The following PRKCA variants were observed in gnomAD, a reference collection of about 807,000 sequenced individuals.
PRKCA encodes protein kinase C alpha type.
In PRKCA, 27 loss-of-function variants were observed where a neutral mutation model predicts 87.0. The ratio of observed to expected loss-of-function variants is 0.31; its 90% CI spans 0.23 to 0.43. The LOEUF is 0.43. Among genes scored for constraint, PRKCA ranks in the 20% least tolerant of loss-of-function variants. The probability of loss-of-function intolerance (pLI) is 1.00; values close to 1 mark genes in which losing one functional copy is unlikely to be tolerated. For missense variants in PRKCA, 518 were observed against 852.3 expected (o/e 0.61, Z 4.88); for synonymous variants, 329 against 311.1 (o/e 1.06, Z -0.61).
At chr17:66,777,153 G>T (rs1235387415) in intron 14 of PRKCA, 1 of 922,264 alleles carries the variant, frequency 1.1e-6, no homozygotes, top group Non-Finnish European at 1.3e-6. Flanking sequence ...GTGGGTAGGG[G>T]GAGCCCTCTC....
intron 7 of PRKCA, 90 bp downstream of exon 7, chr17:66,688,526 G>A: frequency 6.7e-7 from 1 of 1,490,308 alleles, no homozygotes; most frequent in Non-Finnish European, 9.2e-7. Context: ...GTTGAGGCTG[G>A]ACATGGTGCC....
At chr17:66,613,699 T>C (rs74698042) in intron 3 of PRKCA, among the ~76,000 whole-genome samples, 3,055 of 152,018 alleles carry the variant, frequency 0.02, 49 homozygotes, top group Non-Finnish European at 0.032. Context: ...CTGTGTATCT[T>C]TGTGTGTGTG....
Position 66,749,087 on chromosome 17 carries a change from C to T in PRKCA, c.1524+6327C>T, listed in dbSNP as rs149275465. Among the ~76,000 whole-genome samples, 61 of 148,880 alleles carry T rather than the reference C, an allele frequency of 4.1e-4. No homozygotes were observed. In the East Asian group the frequency reaches 0.011, roughly 26 times the overall value. ...CTTCAGAGGGTGACACCAGGACAGG[C>T]GGGTATTAGGTATCTTGGCTCTGAA... On this transcript the variant is annotated intron_variant, in intron 13 of 16. Coordinates refer to ENST00000413366, the MANE Select transcript of PRKCA (RefSeq NM_002737.3).
intron 8 of PRKCA, among the ~76,000 whole-genome samples, chr17:66,716,470 A>C (rs374177939): frequency 1.6e-4 from 24 of 152,266 alleles, no homozygotes; most frequent in African/African-American, 5.8e-4. Context: ...GGAGAAAAAC[A>C]TTGTTGCAGA....
intron 13 of PRKCA, among the ~76,000 whole-genome samples, chr17:66,758,408 A>G (rs761189218): frequency 1.3e-5 from 2 of 152,188 alleles, no homozygotes; most frequent in African/African-American, 2.4e-5. Flanking sequence ...TGAGCACTTC[A>G]TCCTGAAGCA....
intron 2 of PRKCA, among the ~76,000 whole-genome samples, chr17:66,384,873 G>A (rs533490765): frequency 6.6e-5 from 10 of 151,994 alleles, no homozygotes; most frequent in South Asian, 2.1e-4. Context: ...CTCGTGATCC[G>A]CCCCCCTCAG....
intron 2 of PRKCA, among the ~76,000 whole-genome samples, chr17:66,361,128 G>A (rs2143478873): frequency 6.6e-6 from 1 of 152,086 alleles, no homozygotes; most frequent in African/African-American, 2.4e-5. Context: ...CAGTAGATAG[G>A]AAGGATGTTT....
intron 10 of PRKCA, 119 bp from the exon 11 acceptor site, chr17:66,738,645 A>T (rs1201478074): frequency 9.0e-6 from 7 of 778,354 alleles, no homozygotes. Flanking sequence ...TAAACTGAGC[A>T]CATCTGCCCA....
intron 2 of PRKCA, among the ~76,000 whole-genome samples, chr17:66,423,793 A>G (rs1912627060): frequency 6.6e-6 from 1 of 152,130 alleles, no homozygotes; most frequent in Non-Finnish European, 1.5e-5. Context: ...TTAGTCTGGG[A>G]GCGCTTCCCT....
At chr17:66,450,841 C>T (rs1016158746) in intron 2 of PRKCA, among the ~76,000 whole-genome samples, 2 of 152,106 alleles carry the variant, frequency 1.3e-5, no homozygotes, top group Non-Finnish European at 2.9e-5. Flanking sequence ...TTTTTAAAAC[C>T]GCTAACTGAT....
chr17:66,645,278 G>A (rs1015098178), intron 4 of PRKCA, 105 bp from the exon 5 acceptor site: 3 of 1,490,022 alleles, frequency 2.0e-6, no homozygotes, highest in South Asian at 1.2e-5. Context: ...GCAAAGTATC[G>A]AGTTGGGGGT....
At chr17:66,420,725 G>A (rs1912442968) in intron 2 of PRKCA, among the ~76,000 whole-genome samples, 2 of 152,280 alleles carry the variant, frequency 1.3e-5, no homozygotes, top group South Asian at 2.1e-4. Flanking sequence ...GGAGCATGGA[G>A]CATTTGTAGT....
chr17:66,671,693 G>C (rs1468798436), intron 5 of PRKCA, among the ~76,000 whole-genome samples: 1 of 152,206 alleles, frequency 6.6e-6, no homozygotes, highest in African/African-American at 2.4e-5. Context: ...AAAGAAAGCA[G>C]TGGAAGTAGA....
intron 2 of PRKCA, among the ~76,000 whole-genome samples, chr17:66,334,370 G>T (rs1001070630): frequency 6.6e-6 from 1 of 152,148 alleles, no homozygotes; most frequent in Admixed American, 6.5e-5. Flanking sequence ...TTTTAAGTGT[G>T]TGTGTGCTTA....
At chr17:66,459,782 A>AGT (rs1914762391) in intron 2 of PRKCA, among the ~76,000 whole-genome samples, 1 of 152,158 alleles carries the variant, frequency 6.6e-6, no homozygotes, top group African/African-American at 2.4e-5. Context: ...TTTTTCGTTC[A>AGT]GTGCGTAAGT....
intron 2 of PRKCA, among the ~76,000 whole-genome samples, chr17:66,436,089 G>T (rs1266319832): frequency 6.6e-6 from 1 of 152,146 alleles, no homozygotes; most frequent in Non-Finnish European, 1.5e-5. Flanking sequence ...CAGGCATTAT[G>T]GAGAAAAGTT....
chr17:66,456,633 T>C (rs1336341400), intron 2 of PRKCA, among the ~76,000 whole-genome samples: 1 of 152,158 alleles, frequency 6.6e-6, no homozygotes, highest in Non-Finnish European at 1.5e-5. Flanking sequence ...TGCTTCCAGC[T>C]CCCTTCTCTG....
intron 3 of PRKCA, among the ~76,000 whole-genome samples, chr17:66,548,295 G>C (rs895670902): frequency 6.6e-6 from 1 of 152,188 alleles, no homozygotes; most frequent in East Asian, 1.9e-4. Context: ...TGGTGCCTAT[G>C]AGGGCGCCCC....
chr17:66,728,889 C>T (rs1043916765), intron 8 of PRKCA, among the ~76,000 whole-genome samples: 9 of 152,216 alleles, frequency 5.9e-5, no homozygotes, highest in Non-Finnish European at 1.3e-4. Context: ...GTAGTATGAA[C>T]CGCAACTTCA....
Sources: allele counts gnomAD v4.1 joint callset (sites outside exome capture counted in the v4.1 genomes callset), GRCh38; gene constraint gnomAD v4.1.1; transcripts MANE v1.5; gene names NCBI Gene and HGNC (gene_info 2026-07-23, HGNC 2026-07-21).